Variants in CTCF observed in about 807,000 individuals in gnomAD.
CTCF encodes CCCTC-binding factor, also known as transcriptional repressor CTCF.
CTCF carries 7 observed loss-of-function variants against 72.3 expected under a neutral mutation model. The ratio of observed to expected loss-of-function variants is 0.10; its 90% confidence interval spans 0.06 to 0.18. CTCF has a LOEUF of 0.18. CTCF is among the 10% of genes least tolerant of loss of function. The pLI, the probability that CTCF is intolerant of heterozygous loss-of-function variation, is 1.00. For synonymous variants in CTCF, 374 were observed against 315.8 expected, an observed-to-expected ratio of 1.18 and a Z score of -1.95; for missense variants, 516 against 949.1, an observed-to-expected ratio of 0.54 and a Z score of 6.00.
At chr16:67,608,767 G>T (rs969225613) in intron 2 of CTCF, among the ~76,000 whole-genome samples, 1 of 150,170 alleles carries the variant, frequency 6.7e-6, no homozygotes, top group Non-Finnish European at 1.5e-5. Flanking sequence ...ACGGAGTTTC[G>T]TTCTTGTTGC....
chr16:67,631,639 A>C, intron 10 of CTCF, among the ~76,000 whole-genome samples: 1 of 145,160 alleles, frequency 6.9e-6, no homozygotes, highest in African/African-American at 2.5e-5. Context: ...TCATGAAAGC[A>C]CTAAGCTGTT....
intron 2 of CTCF, among the ~76,000 whole-genome samples, chr16:67,581,021 C>T (rs1203277170): frequency 6.6e-6 from 1 of 152,048 alleles, no homozygotes; most frequent in Admixed American, 6.6e-5. Flanking sequence ...CTCCACCTCC[C>T]GGGTTCACGC....
At position 67,626,667 on chromosome 16, in the gene CTCF, G is replaced by A. The variant is rs746921532; in HGVS notation, c.1470G>A (p.Lys490=). Residue 490 remains lysine (K), a synonymous_variant, in exon 8 of 12, where the codon AAG becomes AAA. Transcript: ENST00000264010. The part of the protein sequence containing the change: ...YALIQHQKSH[K]NEKRFKCDQC... ...TCATCCAGCATCAGAAGTCACACAA[G>A]AATGAGAAGCGCTTTAAGTGTGACC... 1.2e-5 allele frequency: 18 copies of A among 1,563,076 alleles called. No individual in the cohort carries two copies. The highest frequency in any genetic ancestry group is 1.6e-5 in the Non-Finnish European group (18 of 1,153,604).
intron 2 of CTCF, among the ~76,000 whole-genome samples, chr16:67,610,343 T>C (rs2052044283): frequency 6.7e-6 from 1 of 149,702 alleles, no homozygotes; most frequent in African/African-American, 2.5e-5. Context: ...AGTGGTTTTT[T>C]CTTTTTCTTT....
At chr16:67,570,740 CTTTTT>C (rs760778490) in intron 1 of CTCF, 3 of 119,088 alleles carry the variant, frequency 2.5e-5, no homozygotes, top group African/African-American at 6.9e-5. Flanking sequence ...CGCGCCTGGC[CTTTTT>C]TTTTTTTTTT....
intron 2 of CTCF, among the ~76,000 whole-genome samples, chr16:67,574,650 CTTTTTTTTTT>C (rs1162960134): frequency 5.2e-5 from 5 of 96,966 alleles, no homozygotes; most frequent in African/African-American, 1.3e-4. Flanking sequence ...CCAAAAGCAT[CTTTTTTTTTT>C]TTTTTTTTTT....
chr16:67,618,107 T>C (rs1377472770), intron 5 of CTCF, among the ~76,000 whole-genome samples: 1 of 152,136 alleles, frequency 6.6e-6, no homozygotes, highest in African/African-American at 2.4e-5. Context: ...AAAACTTCTT[T>C]AATATAATGT....
In CTCF at chr16:67,637,885, G is replaced by T. The variant is rs772027735; in HGVS notation, c.*13G>T. On this transcript the variant is annotated 3_prime_UTR_variant, in exon 12 of 12. Coordinates refer to ENST00000264010, the MANE Select transcript of CTCF (RefSeq NM_006565.4). ...GATGGACCGGTGATGGCGGAGCCTT[G>T]TGCGTCGCCAGGACTTCTCTGGGCT... The T allele has an allele frequency of 2.5e-6, 4 of 1,595,142 alleles. No homozygotes were observed. Among genetic ancestry groups the T allele is most frequent in the Non-Finnish European group, 2.6e-6 (3 of 1,168,998 alleles).
At chr16:67,579,483 C>T (rs1049834357) in intron 2 of CTCF, among the ~76,000 whole-genome samples, 4 of 151,714 alleles carry the variant, frequency 2.6e-5, no homozygotes, top group African/African-American at 7.3e-5. Flanking sequence ...CTCAGCCTCC[C>T]GAGTAGCTGG....
chr16:67,626,118 G>A (rs2052283267), intron 7 of CTCF, among the ~76,000 whole-genome samples: 1 of 151,802 alleles, frequency 6.6e-6, no homozygotes, highest in Non-Finnish European at 1.5e-5. Context: ...TTCATTTTCT[G>A]TATAGCACCC....
chr16:67,584,431 C>T (rs191049230), intron 2 of CTCF, among the ~76,000 whole-genome samples: 2 of 150,020 alleles, frequency 1.3e-5, no homozygotes, highest in African/African-American at 4.9e-5. Context: ...ACCTCTGCCC[C>T]CCAGGTTCAA....
chr16:67,595,787 C>T (rs1033905355), intron 2 of CTCF, among the ~76,000 whole-genome samples: 10 of 152,070 alleles, frequency 6.6e-5, no homozygotes, highest in African/African-American at 2.4e-4. Flanking sequence ...CTCTCCTGTC[C>T]GCCCTCCCTT....
At position 67,629,745 on chromosome 16, in the gene CTCF, C is replaced by CTTTTTTTTTTTT. The variant is rs1567616725; in HGVS notation, c.1837+212_1837+213insTTTTTTTTTTTT. On this transcript the variant is annotated intron_variant, in intron 10 of 11. Transcript: ENST00000264010. ...TTCGTGGCATTCCGCTCATTAATGC[C>CTTTTTTTTTTTT]CTTTTTTTTTTTTTTTTTTTTTTTT... Among the ~76,000 whole-genome samples the CTTTTTTTTTTTT allele has an allele frequency of 8.2e-5, 7 of 85,064 alleles. 1 individual carries two copies. Among genetic ancestry groups the CTTTTTTTTTTTT allele is most frequent in the South Asian group, 4.0e-4 (1 of 2,472 alleles). The allele number at this position is 85,064 out of a possible 152,430, so 55.8% of individuals were successfully genotyped here.
intron 2 of CTCF, among the ~76,000 whole-genome samples, chr16:67,606,692 C>G (rs1339272726): frequency 6.7e-6 from 1 of 149,860 alleles, no homozygotes; most frequent in Non-Finnish European, 1.5e-5. Flanking sequence ...ATAGAACTAA[C>G]AAAAGCTTCG....
At chr16:67,566,921 G>T (rs529035831) in intron 1 of CTCF, among the ~76,000 whole-genome samples, 22 of 151,754 alleles carry the variant, frequency 1.4e-4, no homozygotes, top group African/African-American at 4.1e-4. Flanking sequence ...TTTTACCCAG[G>T]CTGGAGTGCA....
At chr16:67,601,272 A>G (rs1458607956) in intron 2 of CTCF, among the ~76,000 whole-genome samples, 28 of 128,124 alleles carry the variant, frequency 2.2e-4, no homozygotes, top group African/African-American at 8.4e-4. Context: ...TTGTTTTTTA[A>G]GACAGAGTCT....
intron 2 of CTCF, among the ~76,000 whole-genome samples, chr16:67,572,937 GCCCCCCCCCGCCC>G (rs1328592886): frequency 1.3e-5 from 1 of 76,598 alleles, no homozygotes; most frequent in Admixed American, 1.4e-4. Context: ...GACTCTGTCT[GCCCCCCCCCGCCC>G]CCCCCCCCAA....
intron 5 of CTCF, among the ~76,000 whole-genome samples, chr16:67,618,598 CTG>C (rs1300781134): frequency 2.6e-5 from 4 of 152,162 alleles, no homozygotes; most frequent in Non-Finnish European, 2.9e-5. Flanking sequence ...AAAGATAAAA[CTG>C]TTATTTCTTG....
chr16:67,564,465 A>G (rs2051317728), intron 1 of CTCF, among the ~76,000 whole-genome samples: 3 of 152,172 alleles, frequency 2.0e-5, no homozygotes, highest in Non-Finnish European at 4.4e-5. Flanking sequence ...CACGCTTTCT[A>G]TGTCTCCTTT....
Sources: gnomAD v4.1 joint callset for allele counts (sites outside exome capture counted in the v4.1 genomes callset) on GRCh38, gnomAD v4.1.1 for gene constraint, MANE v1.5 for transcripts, NCBI Gene and HGNC (gene_info 2026-07-23, HGNC 2026-07-21) for gene names.